PBRM1: variants seen among roughly 807,000 people sequenced by gnomAD.
The protein encoded by PBRM1 is polybromo 1.
A neutral mutation model predicts 194.5 loss-of-function variants in PBRM1; 27 were observed. The observed-to-expected ratio is 0.14, with a 90% CI of 0.10 to 0.19. PBRM1 has a LOEUF of 0.19. PBRM1 is among the 10% of genes least tolerant of loss of function. The pLI, the probability that PBRM1 is intolerant of heterozygous loss-of-function variation, is 1.00. For missense variants in PBRM1, 1,466 were observed against 2,077.2 expected (o/e 0.71, Z 5.72); for synonymous variants, 655 against 693.2 (o/e 0.94, Z 0.87).
chr3:52,637,631 T>C (rs990374224), intron 10 of PBRM1, among the ~76,000 whole-genome samples: 1 of 148,762 alleles, frequency 6.7e-6, no homozygotes, highest in African/African-American at 2.5e-5. Flanking sequence ...AAACCCAGTC[T>C]CAAGAAAAAA....
intron 22 of PBRM1, among the ~76,000 whole-genome samples, chr3:52,574,230 G>A (rs1339459611): frequency 2.6e-5 from 4 of 152,230 alleles, no homozygotes; most frequent in Admixed American, 1.3e-4. Flanking sequence ...TCAGAAGGCA[G>A]AGGGCAAGAG....
In PBRM1 at chr3:52,612,031, G is replaced by A. The variant is rs533599115; in HGVS notation, c.1925-2076C>T. ...TCCCAGCACTTTGGGAGGCCGAGGCGGGCAGATCACGAGGTTAGGAGTTCA... is the reference window on the plus strand; with the variant it reads ...TCCCAGCACTTTGGGAGGCCGAGGCAGGCAGATCACGAGGTTAGGAGTTCA... On this transcript the variant is annotated intron_variant, in intron 15 of 29. Transcript: ENST00000296302. 4.5e-4 allele frequency among the ~76,000 whole-genome samples: 68 copies of A among 151,696 alleles called. No individual in the cohort carries two copies. The South Asian group carries it at 1.0e-2, about 22-fold the overall frequency.
At chr3:52,653,824 C>T (rs1383127154) in intron 5 of PBRM1, among the ~76,000 whole-genome samples, 5 of 151,922 alleles carry the variant, frequency 3.3e-5, no homozygotes, top group African/African-American at 4.8e-5. Context: ...GCAGGAGAAT[C>T]GCTTGAACCT....
At chr3:52,597,346 A>C (rs2093649202) in intron 17 of PBRM1, among the ~76,000 whole-genome samples, 1 of 152,164 alleles carries the variant, frequency 6.6e-6, no homozygotes, top group South Asian at 2.1e-4. Context: ...CAATTGGTGG[A>C]GGCTTCTATT....
downstream of PBRM1, chr3:52,545,912 C>G (rs1434273455): frequency 1.3e-5 from 3 of 232,496 alleles, no homozygotes; most frequent in Non-Finnish European, 2.5e-5. Context: ...TTAACGATAT[C>G]CCCCAAGTTA....
intron 20 of PBRM1, among the ~76,000 whole-genome samples, chr3:52,582,519 CCTGCCTCA>C (rs2091504049): frequency 6.7e-6 from 1 of 150,108 alleles, no homozygotes. Flanking sequence ...AAGTGATTCT[CCTGCCTCA>C]GCCTCCCAAG....
At chr3:52,621,040 G>A (rs1045576413) in intron 13 of PBRM1, among the ~76,000 whole-genome samples, 1 of 152,186 alleles carries the variant, frequency 6.6e-6, no homozygotes, top group African/African-American at 2.4e-5. Flanking sequence ...AGGTTGGGCA[G>A]CTGGTATGTT....
chr3:52,608,958 A>G (rs1395442626), intron 16 of PBRM1: 2 of 211,672 alleles, frequency 9.4e-6, no homozygotes, highest in African/African-American at 4.7e-5. Flanking sequence ...GCATTCGTGC[A>G]CTGAAGCCAA....
chr3:52,586,399 T>C, intron 20 of PBRM1, 26 bp downstream of exon 22: 1 of 1,574,938 alleles, frequency 6.3e-7, no homozygotes, highest in Non-Finnish European at 8.6e-7. Flanking sequence ...TGTAAAATTT[T>C]TTCTGTGTGG....
chr3:52,574,605 C>T (rs931375799), intron 22 of PBRM1, among the ~76,000 whole-genome samples: 2 of 152,162 alleles, frequency 1.3e-5, no homozygotes, highest in African/African-American at 4.8e-5. Flanking sequence ...GCCTAGAAGG[C>T]CACACACATG....
intron 17 of PBRM1, among the ~76,000 whole-genome samples, chr3:52,600,611 T>C (rs2093923556): frequency 3.3e-5 from 5 of 152,332 alleles, no homozygotes; most frequent in African/African-American, 9.6e-5. Context: ...TTATCTTGTA[T>C]CAAACTTTGA....
At position 52,638,988 on chromosome 3, in the gene PBRM1, G is replaced by T. The variant is rs1353568693; in HGVS notation, c.1087+2966C>A. Among the ~76,000 whole-genome samples, 10 of 102,618 alleles carry T rather than the reference G, an allele frequency of 9.7e-5. 1 individual carries two copies. The highest frequency in any genetic ancestry group is 5.7e-4 in the Admixed American group (6 of 10,442). 67.3% of individuals were successfully genotyped at this position (102,618 alleles called of 152,430 possible). A position where few individuals can be genotyped will look rare whatever the true frequency, so the allele number is the denominator to read the frequency against. The stretch of plus-strand genomic sequence containing the variant: ...ATAACGTTATTCACATTTTTTTTTG[G>T]GGGGGGGGGGCGGGGGACAAAGTTT... On this transcript the variant is annotated intron_variant, in intron 10 of 29. Coordinates refer to ENST00000296302, the Ensembl canonical transcript of PBRM1.
chr3:52,672,521 T>C (rs888942570), intron 2 of PBRM1, among the ~76,000 whole-genome samples: 5 of 144,966 alleles, frequency 3.4e-5, no homozygotes, highest in Non-Finnish European at 7.5e-5. Flanking sequence ...TGAGTCAGAG[T>C]TTCACTCTTG....
chr3:52,570,910 G>A (rs76854478), intron 22 of PBRM1, among the ~76,000 whole-genome samples: 1 of 148,798 alleles, frequency 6.7e-6, no homozygotes, highest in African/African-American at 2.5e-5. Context: ...TTTTTTTTTG[G>A]TAGAGTTTCC....
intron 17 of PBRM1, among the ~76,000 whole-genome samples, chr3:52,593,986 A>G (rs2093344233): frequency 6.6e-6 from 1 of 152,064 alleles, no homozygotes; most frequent in African/African-American, 2.4e-5. Flanking sequence ...ATCATTGTTA[A>G]TTTTCTGCTC....
At chr3:52,638,263 G>C (rs1270686116) in intron 10 of PBRM1, among the ~76,000 whole-genome samples, 1 of 152,080 alleles carries the variant, frequency 6.6e-6, no homozygotes, top group African/African-American at 2.4e-5. Context: ...AGAATGAACT[G>C]CGGAGCTCTT....
chr3:52,594,972 A>T (rs1043148158), intron 17 of PBRM1, among the ~76,000 whole-genome samples: 1 of 151,290 alleles, frequency 6.6e-6, no homozygotes, highest in Non-Finnish European at 1.5e-5. Context: ...TTTGAAGGTG[A>T]CCTGTCATTT....
At chr3:52,587,646 G>T in intron 18 of PBRM1, 136 bp from the exon 21 acceptor site, 1 of 653,986 alleles carries the variant, frequency 1.5e-6, no homozygotes, top group Non-Finnish European at 2.5e-6. Context: ...CTGGGCCAAA[G>T]TGGTCCTCCA....
intron 21 of PBRM1, 117 bp downstream of exon 23, chr3:52,578,937 G>A: frequency 3.3e-6 from 3 of 900,746 alleles, no homozygotes; most frequent in Non-Finnish European, 3.7e-6. Context: ...GGTGTGAGAA[G>A]AAGCTGGAGA....
Sources: gnomAD v4.1 joint callset for allele counts (sites outside exome capture counted in the v4.1 genomes callset) on GRCh38, gnomAD v4.1.1 for gene constraint, MANE v1.5 for transcripts, NCBI Gene and HGNC (gene_info 2026-07-23, HGNC 2026-07-21) for gene names.